Variants in GABRR2 observed in about 807,000 individuals in gnomAD.
The protein encoded by GABRR2 is gamma-aminobutyric acid receptor subunit rho-2.
Under a neutral mutation model 47.0 loss-of-function variants are expected in GABRR2, and 36 were observed. That is an observed-to-expected ratio of 0.77 (90% CI 0.59 to 1.01). The LOEUF is 1.01. Ranked by LOEUF, GABRR2 falls within the 50% of genes least tolerant of loss-of-function variation. GABRR2 has a pLI of 0.00. For synonymous variants in GABRR2, 204 were observed against 227.5 expected (o/e 0.90, Z 0.93); for missense variants, 587 against 594.6 (o/e 0.99, Z 0.13).
At chr6:89,292,928 A>G (rs983930195) in intron 2 of GABRR2, among the ~76,000 whole-genome samples, 7 of 150,548 alleles carry the variant, frequency 4.6e-5, no homozygotes, top group African/African-American at 1.7e-4. Context: ...CTATTACTAT[A>G]TGATCTAGCA....
At chr6:89,308,966 G>A (rs1000275558) in intron 1 of GABRR2, among the ~76,000 whole-genome samples, 8 of 152,180 alleles carry the variant, frequency 5.3e-5, no homozygotes, top group African/African-American at 1.2e-4. Flanking sequence ...GATAAATCAC[G>A]TGACAAAGTA....
At position 89,293,708 on chromosome 6, in the gene GABRR2, G is replaced by A. The variant is rs1774507572; in HGVS notation, c.220+6051C>T. 3.3e-5 allele frequency among the ~76,000 whole-genome samples: 5 copies of A among 152,322 alleles called. 1 individual carries two copies. The South Asian group carries it at 1.0e-3, about 32-fold the overall frequency. Reference sequence around the variant, plus strand: ...AGGCTGAAGTGGAAGGATCACCTGAGCCCGGACAGTTGAGGCTGCAGTAAG... The same window carrying A: ...AGGCTGAAGTGGAAGGATCACCTGAACCCGGACAGTTGAGGCTGCAGTAAG... On this transcript the variant is annotated intron_variant, in intron 2 of 8. Coordinates refer to ENST00000402938, the MANE Select transcript of GABRR2 (RefSeq NM_002043.5).
chr6:89,309,605 T>C (rs963293962), intron 1 of GABRR2, among the ~76,000 whole-genome samples: 1 of 152,130 alleles, frequency 6.6e-6, no homozygotes, highest in Admixed American at 6.5e-5. Flanking sequence ...TTAGAGTAAT[T>C]TTAGGTTTGC....
At chr6:89,283,974 G>A (rs971163309) in intron 2 of GABRR2, among the ~76,000 whole-genome samples, 2 of 152,160 alleles carry the variant, frequency 1.3e-5, no homozygotes, top group East Asian at 1.9e-4. Context: ...GGTGGTATAC[G>A]TAGGAGCCTC....
In GABRR2 at chr6:89,257,938, A is replaced by G. The variant is rs1267781087; in HGVS notation, c.1130T>C (p.Leu377Pro). Reference sequence around the variant, plus strand: ...CTCAGACTCACTGTAGCTTCCATCCAGCATCATGGTTTTTGAATGAAGCAT... The same window carrying G: ...CTCAGACTCACTGTAGCTTCCATCCGGCATCATGGTTTTTGAATGAAGCAT... ...CGMLHSKTMM[L>P]DGSYSESEAN... Residue 377 changes from leucine to proline, a missense_variant, in exon 9 of 9, where the codon CTG (leucine) becomes CCG (proline). Coordinates refer to ENST00000402938, the MANE Select transcript of GABRR2 (RefSeq NM_002043.5). 1.2e-6 allele frequency: 2 copies of G among 1,613,874 alleles called. No homozygotes were observed. Among genetic ancestry groups the G allele is most frequent in the Admixed American group, 3.3e-5 (2 of 60,006 alleles).
At chr6:89,308,804 T>C (rs975087749) in intron 1 of GABRR2, among the ~76,000 whole-genome samples, 6 of 152,216 alleles carry the variant, frequency 3.9e-5, no homozygotes, top group Non-Finnish European at 7.3e-5. Flanking sequence ...AGACTCAAAT[T>C]GATTTGTGCA....
At chr6:89,280,247 T>C (rs7769387) in intron 2 of GABRR2, among the ~76,000 whole-genome samples, 3,172 of 100,920 alleles carry the variant, frequency 0.031, 72 homozygotes, top group Non-Finnish European at 0.042. Flanking sequence ...TATATATATA[T>C]ATATATACAT....
chr6:89,270,059 G>T lies in GABRR2; in HGVS notation c.289-825C>A, dbSNP rs3777529. Among the ~76,000 whole-genome samples the T allele has an allele frequency of 1.9e-3, 283 of 152,324 alleles. 2 individuals carry two copies. The East Asian group carries it at 0.041, about 22-fold the overall frequency. On this transcript the variant is annotated intron_variant, in intron 3 of 8. Transcript: ENST00000402938. Reference sequence around the variant, plus strand: ...CAGGAAGAGAGGAAAGAATGAGTGAGCACTGGGATAGTGCATGCATGAGAG... The same window carrying T: ...CAGGAAGAGAGGAAAGAATGAGTGATCACTGGGATAGTGCATGCATGAGAG...
chr6:89,303,360 T>G (rs1229598066), intron 1 of GABRR2, among the ~76,000 whole-genome samples: 1 of 152,168 alleles, frequency 6.6e-6, no homozygotes, highest in Non-Finnish European at 1.5e-5. Flanking sequence ...GGATTTGTTT[T>G]TTACTGGTTT....
At chr6:89,314,110 A>G (rs1475485644) in intron 1 of GABRR2, among the ~76,000 whole-genome samples, 3 of 151,752 alleles carry the variant, frequency 2.0e-5, no homozygotes, top group Non-Finnish European at 4.4e-5. Flanking sequence ...GTAAGTAAAT[A>G]TGCATGTATT....
chr6:89,292,776 T>TA (rs1774481768), intron 2 of GABRR2, among the ~76,000 whole-genome samples: 1 of 44,274 alleles, frequency 2.3e-5, no homozygotes, highest in Non-Finnish European at 3.6e-5. Flanking sequence ...ATATCGTATA[T>TA]ATCGTATATA....
In GABRR2 at chr6:89,256,136, G is replaced by T. The variant is rs1033285205; in HGVS notation, c.*1534C>A. ...GACATGTGGCTAGTGGCTACCATAT[G>T]AGACAGCCCAGATCTAGGATGCATT... is the stretch of plus-strand genomic sequence containing the variant. On this transcript the variant is annotated 3_prime_UTR_variant, in exon 9 of 9. Transcript: ENST00000402938. Among the ~76,000 whole-genome samples, 7 of 149,034 alleles carry T rather than the reference G, an allele frequency of 4.7e-5. No homozygotes were observed. The East Asian group carries it at 1.4e-3, about 29-fold the overall frequency.
intron 6 of GABRR2, among the ~76,000 whole-genome samples, chr6:89,266,413 C>G (rs1381612910): frequency 6.6e-6 from 1 of 152,220 alleles, no homozygotes; most frequent in Non-Finnish European, 1.5e-5. Flanking sequence ...GGGGCAGGAG[C>G]TGGGAGAGCT....
rs974200731 is a variant in GABRR2 at position 89,268,059 on chromosome 6, G to A, written c.550C>T (p.His184Tyr). The change falls in exon 5 of 9, where the codon CAC becomes TAC. Residue 184 changes from histidine to tyrosine, a missense_variant. Coordinates refer to ENST00000402938, the MANE Select transcript of GABRR2 (RefSeq NM_002043.5). ...VTAMCNMDFSHFPLDSQTCSL... is the reference protein window; with the variant it reads ...VTAMCNMDFSYFPLDSQTCSL... ...CAGGTCTGGGAGTCCAGGGGAAAGT[G>A]GCTGAAGTCCATGTTGCACATGGCA... 1.2e-6 allele frequency: 2 copies of A among 1,611,958 alleles called. No homozygotes were observed. The highest frequency in any genetic ancestry group is 1.3e-5 in the African/African-American group (1 of 74,988).
chr6:89,301,833 G>A, intron 1 of GABRR2: 2 of 1,055,978 alleles, frequency 1.9e-6, no homozygotes, highest in Middle Eastern at 2.0e-4. Flanking sequence ...ACTAGATCGG[G>A]GCCAAGTTCT....
intron 1 of GABRR2, among the ~76,000 whole-genome samples, chr6:89,313,810 G>A (rs913600406): frequency 1.3e-5 from 2 of 152,070 alleles, no homozygotes; most frequent in African/African-American, 2.4e-5. Flanking sequence ...CCAGCTACTC[G>A]GGAGGCTGAG....
chr6:89,307,597 G>A (rs905065718), intron 1 of GABRR2, among the ~76,000 whole-genome samples: 1 of 152,166 alleles, frequency 6.6e-6, no homozygotes, highest in Non-Finnish European at 1.5e-5. Context: ...AATGTCCTGA[G>A]AGCTGCCCAG....
intron 2 of GABRR2, among the ~76,000 whole-genome samples, chr6:89,274,578 G>GGGGCT (rs144557396): frequency 0.017 from 2,662 of 152,176 alleles, 83 homozygotes; most frequent in African/African-American, 0.061. Flanking sequence ...CTTTAAGAGA[G>GGGGCT]GGGCTGGGCT....
rs142362393 is a variant in GABRR2, at chr6:89,298,947, C to G, written c.220+812G>C. ...ACAGTGAGAAGGCACCGTCTATGAA[C>G]AGAAAGTGGGCCCTCAGCACACATG... On this transcript the variant is annotated intron_variant, in intron 2 of 8. Coordinates refer to ENST00000402938, the MANE Select transcript of GABRR2 (RefSeq NM_002043.5). 3.2e-3 allele frequency among the ~76,000 whole-genome samples: 488 copies of G among 152,232 alleles called. 1 individual carries two copies. Among genetic ancestry groups the G allele is most frequent in the African/African-American group, 0.011 (449 of 41,530 alleles).
Sources: allele counts gnomAD v4.1 joint callset (sites outside exome capture counted in the v4.1 genomes callset), GRCh38; gene constraint gnomAD v4.1.1; transcripts MANE v1.5; gene names NCBI Gene and HGNC (gene_info 2026-07-23, HGNC 2026-07-21).